Variants in TMEM132D observed in about 807,000 individuals in gnomAD.
TMEM132D encodes transmembrane protein 132D.
A neutral mutation model predicts 62.3 loss-of-function variants in TMEM132D; 21 were observed. The observed-to-expected ratio is 0.34, with a 90% CI of 0.24 to 0.49. TMEM132D has a LOEUF of 0.49. Among genes scored for constraint, TMEM132D ranks in the 20% least tolerant of loss-of-function variants. TMEM132D has a pLI of 0.99. For missense variants in TMEM132D, 1,346 were observed against 1,402.8 expected (o/e 0.96, Z 0.65); for synonymous variants, 621 against 575.6 (o/e 1.08, Z -1.13).
intron 3 of TMEM132D, among the ~76,000 whole-genome samples, chr12:129,388,072 T>C (rs567824244): frequency 4.0e-5 from 5 of 124,318 alleles, no homozygotes; most frequent in African/African-American, 1.5e-4. Context: ...CGAGTCCTAA[T>C]ATAGACACTA....
intron 2 of TMEM132D, among the ~76,000 whole-genome samples, chr12:129,531,598 G>A (rs1037527410): frequency 3.9e-5 from 6 of 152,044 alleles, no homozygotes; most frequent in East Asian, 1.9e-4. Flanking sequence ...AAATAAGAAC[G>A]CACATTCATT....
At chr12:129,818,227 T>C (rs958703393) in intron 1 of TMEM132D, among the ~76,000 whole-genome samples, 1 of 148,608 alleles carries the variant, frequency 6.7e-6, no homozygotes, top group African/African-American at 2.5e-5. Flanking sequence ...TCTGTGTGTA[T>C]GTGGTTTGGG....
intron 1 of TMEM132D, among the ~76,000 whole-genome samples, chr12:129,770,531 C>T (rs1158400417): frequency 1.3e-5 from 2 of 152,166 alleles, no homozygotes; most frequent in Non-Finnish European, 1.5e-5. Context: ...GCTCATCTAA[C>T]ATGGCACTGG....
At chr12:129,464,647 T>C (rs1873820403) in intron 3 of TMEM132D, among the ~76,000 whole-genome samples, 1 of 152,226 alleles carries the variant, frequency 6.6e-6, no homozygotes, top group African/African-American at 2.4e-5. Flanking sequence ...TTAATTTTTG[T>C]ATAAGGTGTA....
chr12:129,698,909 C>A (rs778698677), intron 2 of TMEM132D, among the ~76,000 whole-genome samples: 1 of 152,084 alleles, frequency 6.6e-6, no homozygotes, highest in African/African-American at 2.4e-5. Flanking sequence ...TATAAGCCCA[C>A]ATATGAAACA....
Position 129,082,002 on chromosome 12 carries a change from A to G in TMEM132D, c.1680T>C (p.Asp560=). The G allele has an allele frequency of 6.2e-7, 1 of 1,611,430 alleles. No individual in the cohort carries two copies. The highest frequency in any genetic ancestry group is 1.3e-5 in the African/African-American group (1 of 74,980). Residue 560 remains aspartate, a synonymous_variant, in exon 7 of 9, where the codon GAT becomes GAC. Transcript: ENST00000422113. ...RPAGDSEEEE[D]DERRGRGCTL... ...TGCAGCCGCGGCCCCTCCGCTCATC[A>G]TCCTCCTCCTCTTCACTGTCCCCGG...
At chr12:129,893,049 G>T in intron 1 of TMEM132D, among the ~76,000 whole-genome samples, 1 of 152,012 alleles carries the variant, frequency 6.6e-6, no homozygotes, top group East Asian at 1.9e-4. Context: ...GCTAATTTTT[G>T]TGCTTTTAGT....
rs561182470 is a variant in TMEM132D, at chr12:129,486,213, G to A, written c.1115+44846C>T. Among the ~76,000 whole-genome samples the A allele has an allele frequency of 5.9e-5, 9 of 152,322 alleles. 1 individual carries two copies. The South Asian group carries it at 1.0e-3, about 18-fold the overall frequency. ...GGAGGAGTGGAAGCTACAGCTGCCC[G>A]CTGCAGTCCCTTGCTACATCACACA... On this transcript the variant is annotated intron_variant, in intron 3 of 8. Coordinates refer to ENST00000422113, the MANE Select transcript of TMEM132D (RefSeq NM_133448.3).
intron 5 of TMEM132D, among the ~76,000 whole-genome samples, chr12:129,180,352 C>T (rs934967253): frequency 6.6e-6 from 1 of 152,168 alleles, no homozygotes; most frequent in African/African-American, 2.4e-5. Flanking sequence ...TTTCCATATG[C>T]AGTCTATGGT....
intron 3 of TMEM132D, among the ~76,000 whole-genome samples, chr12:129,345,094 C>T (rs1361240320): frequency 6.6e-6 from 1 of 152,098 alleles, no homozygotes; most frequent in Non-Finnish European, 1.5e-5. Context: ...TCCACTATTG[C>T]CCAGAACCTG....
intron 4 of TMEM132D, among the ~76,000 whole-genome samples, chr12:129,288,853 A>G (rs1008725924): frequency 6.6e-6 from 1 of 152,262 alleles, no homozygotes; most frequent in African/African-American, 2.4e-5. Context: ...GAATGAGTAG[A>G]TGAAGAAAGA....
intron 3 of TMEM132D, among the ~76,000 whole-genome samples, chr12:129,466,293 T>C (rs1391807182): frequency 0.012 from 27 of 2,254 alleles, no homozygotes; most frequent in African/African-American, 0.019. Flanking sequence ...TTTTTTTTTT[T>C]TTTTTTTTTT....
At chr12:129,604,787 G>T (rs138386282) in intron 2 of TMEM132D, among the ~76,000 whole-genome samples, 1 of 152,266 alleles carries the variant, frequency 6.6e-6, no homozygotes, top group Non-Finnish European at 1.5e-5. Flanking sequence ...AGCTTGACTA[G>T]CTTCAAATGA....
At chr12:129,657,429 G>A (rs1880118379) in intron 2 of TMEM132D, among the ~76,000 whole-genome samples, 1 of 152,300 alleles carries the variant, frequency 6.6e-6, no homozygotes, top group Middle Eastern at 3.4e-3. Flanking sequence ...CCGTCAACTG[G>A]TTAAGTCAGA....
Position 129,190,902 on chromosome 12 carries a change from G to C in TMEM132D, c.1443+18618C>G, listed in dbSNP as rs565877255. ...GCCCAGAGCTCTTGCTGTCCTGCCG[G>C]TGAGACCCCCTCAGACCTCAGGACA... On this transcript the variant is annotated intron_variant, in intron 5 of 8. Transcript: ENST00000422113. 5.9e-5 allele frequency among the ~76,000 whole-genome samples: 9 copies of C among 152,212 alleles called. No individual in the cohort carries two copies. The East Asian group carries it at 1.7e-3, about 29-fold the overall frequency.
intron 1 of TMEM132D, among the ~76,000 whole-genome samples, chr12:129,733,045 T>C (rs892395279): frequency 6.6e-6 from 1 of 152,220 alleles, no homozygotes; most frequent in Non-Finnish European, 1.5e-5. Flanking sequence ...CCTCACACTC[T>C]TGGTTTGATG....
chr12:129,359,771 A>G (rs911754968), intron 3 of TMEM132D, among the ~76,000 whole-genome samples: 5 of 152,236 alleles, frequency 3.3e-5, no homozygotes, highest in East Asian at 3.9e-4. Flanking sequence ...CTGAGAATGA[A>G]TAAGTTTAAT....
intron 5 of TMEM132D, among the ~76,000 whole-genome samples, chr12:129,185,206 A>G (rs1295574170): frequency 6.6e-6 from 1 of 152,222 alleles, no homozygotes; most frequent in Admixed American, 6.5e-5. Context: ...TACAGCAGAG[A>G]TGAACAGACC....
chr12:129,407,795 G>C (rs1217639755), intron 3 of TMEM132D, among the ~76,000 whole-genome samples: 1 of 151,586 alleles, frequency 6.6e-6, no homozygotes, highest in African/African-American at 2.4e-5. Context: ...CCAGCTACTC[G>C]GGAGGCTGAG....
Sources: allele counts gnomAD v4.1 joint callset (sites outside exome capture counted in the v4.1 genomes callset), GRCh38; gene constraint gnomAD v4.1.1; transcripts MANE v1.5; gene names NCBI Gene and HGNC (gene_info 2026-07-23, HGNC 2026-07-21).